Variants in ALG1 observed in about 807,000 individuals in gnomAD.
The protein encoded by ALG1 is chitobiosyldiphosphodolichol beta-mannosyltransferase.
Under a neutral mutation model 55.1 loss-of-function variants are expected in ALG1, and 58 were observed. The observed-to-expected ratio is 1.05, with a 90% CI of 0.85 to 1.31. The LOEUF is 1.31. Among genes scored for constraint, ALG1 ranks in the 50% most tolerant of loss-of-function variants. ALG1 has a pLI of 0.00. For missense variants in ALG1, 761 were observed against 598.6 expected (o/e 1.27, Z -2.83); for synonymous variants, 309 against 247.0 (o/e 1.25, Z -2.35).
chr16:5,083,898 C>G, intron 12 of ALG1, 141 bp downstream of exon 12: 3 of 1,368,418 alleles, frequency 2.2e-6, no homozygotes, highest in Non-Finnish European at 2.0e-6. Context: ...GCAGAGGTCA[C>G]AGAGGCTGGC....
chr16:5,086,675 T>A lies in ALG1; in HGVS notation c.*1794T>A, dbSNP rs1389511721. On this transcript the variant is annotated 3_prime_UTR_variant, in exon 13 of 13. Coordinates refer to ENST00000262374, the MANE Select transcript of ALG1 (RefSeq NM_019109.5). ...AGTGATGCTCCTGCCTCAGCCTCTT[T>A]TATTATTTGTTTTTAGACGAAGTTT... 1 of 151,888 alleles carries A rather than the reference T, an allele frequency of 6.6e-6. No individual in the cohort carries two copies. The highest frequency in any genetic ancestry group is 1.5e-5 in the Non-Finnish European group (1 of 67,990). 9.4% of individuals were successfully genotyped at this position (151,888 alleles called of 1,614,324 possible).
At chr16:5,073,937 A>G (rs1956864689) in intron 3 of ALG1, among the ~76,000 whole-genome samples, 1 of 151,712 alleles carries the variant, frequency 6.6e-6, no homozygotes, top group Non-Finnish European at 1.5e-5. Flanking sequence ...CTGTTCTCGA[A>G]CTCCTGACCT....
At position 5,078,517 on chromosome 16, in the gene ALG1, G is replaced by T; in HGVS notation, c.741-240G>T. On this transcript the variant is annotated intron_variant, in intron 6 of 12. Transcript: ENST00000262374. ...CTTGAGTCCAGGGGATGATAAGACA[G>T]TAAGTCCCGTGGAGAAAAGGAATGA... 1.9e-5 allele frequency: 14 copies of T among 756,632 alleles called. No individual in the cohort carries two copies. The South Asian group carries it at 2.1e-4, about 12-fold the overall frequency. The allele number at this position is 756,632 out of a possible 1,614,324, so 46.9% of individuals were successfully genotyped here.
In ALG1 at chr16:5,085,703, GT is replaced by G. The variant is rs772580812; in HGVS notation, c.*824del. ...GGAAACAGTTTCTGCTCATGACGAG[GT>G]TCCACTTCCCATCTGATCCCGGCCC... On this transcript the variant is annotated 3_prime_UTR_variant, in exon 13 of 13. Coordinates refer to ENST00000262374, the MANE Select transcript of ALG1 (RefSeq NM_019109.5). 1 of 1,611,860 alleles carries G rather than the reference GT, an allele frequency of 6.2e-7. No individual in the cohort carries two copies. The highest frequency in any genetic ancestry group is 8.5e-7 in the Non-Finnish European group (1 of 1,179,762).
At chr16:5,079,672 G>C in intron 8 of ALG1, 76 bp from the exon 9 acceptor site, 2 of 1,514,196 alleles carry the variant, frequency 1.3e-6, no homozygotes, top group Non-Finnish European at 1.8e-6. Context: ...CTGGGTGACA[G>C]AGTGAGAGTC....
At chr16:5,077,629 G>A in intron 5 of ALG1, 95 bp downstream of exon 5, 1 of 1,336,170 alleles carries the variant, frequency 7.5e-7, no homozygotes, top group Non-Finnish European at 1.1e-6. Flanking sequence ...TCCTGCTGAG[G>A]GGCAATTTGA....
chr16:5,084,919 G>A lies in ALG1; in HGVS notation c.*38G>A. ...AGGCTAAAACCCCAGGACCCCTGCT[G>A]TCCTTCCCGCAGCTTCTTCTTGGAG... On this transcript the variant is annotated 3_prime_UTR_variant, in exon 13 of 13. Coordinates refer to ENST00000262374, the MANE Select transcript of ALG1 (RefSeq NM_019109.5). The A allele has an allele frequency of 2.5e-6, 4 of 1,596,410 alleles. No homozygotes were observed. The highest frequency in any genetic ancestry group is 3.4e-6 in the Non-Finnish European group (4 of 1,179,752).
chr16:5,073,967 G>A lies in ALG1; in HGVS notation c.390+711G>A, dbSNP rs181812997. 1.3e-4 allele frequency among the ~76,000 whole-genome samples: 20 copies of A among 152,260 alleles called. No individual in the cohort carries two copies. In the East Asian group the frequency reaches 3.9e-3, roughly 29 times the overall value. ...TGACCTCAGGTAATCCGCCCCCCTC[G>A]GCGTCCCAAAGTGCTGGGATTACAG... On this transcript the variant is annotated intron_variant, in intron 3 of 12. Coordinates refer to ENST00000262374, the MANE Select transcript of ALG1 (RefSeq NM_019109.5).
intron 10 of ALG1, 51 bp downstream of exon 10, chr16:5,081,107 CGGG>C: frequency 1.5e-4 from 42 of 283,518 alleles, no homozygotes; most frequent in Non-Finnish European, 2.3e-4. Flanking sequence ...ACAGGGTGGG[CGGG>C]ATGTACTTTT....
rs1328023719 is a variant in ALG1, at chr16:5,086,641, A to G, written c.*1760A>G. On this transcript the variant is annotated 3_prime_UTR_variant, in exon 13 of 13. Coordinates refer to ENST00000262374, the MANE Select transcript of ALG1 (RefSeq NM_019109.5). ...TTTGTAGAGATGGGGTCCTGAACGC[A>G]TGGCCTCAAGTGATGCTCCTGCCTC... The G allele has an allele frequency of 3.3e-5, 5 of 151,538 alleles. No homozygotes were observed. The highest frequency in any genetic ancestry group is 1.2e-4 in the African/African-American group (5 of 41,198). The allele number at this position is 151,538 out of a possible 1,614,324, so 9.4% of individuals were successfully genotyped here.
chr16:5,083,746 G>C lies in ALG1; in HGVS notation c.1252G>C (p.Ala418Pro). 1 of 1,597,826 alleles carries C rather than the reference G, an allele frequency of 6.3e-7. No homozygotes were observed. Residue 418 changes from alanine to proline, a missense_variant, in exon 12 of 13, where the codon GCT becomes CCT. Physicochemically the swap from Ala to Pro is conservative, Grantham distance 27. Coordinates refer to ENST00000262374, the MANE Select transcript of ALG1 (RefSeq NM_019109.5). ...LVFEDSEELAAQLQMLFSNFP... is the reference protein window; with the variant it reads ...LVFEDSEELAPQLQMLFSNFP... ...CTTTGAGGACTCAGAGGAACTGGCA[G>C]CTCAGCTGCAGGTAGCCACGTCTGC...
Position 5,086,358 on chromosome 16 carries a change from C to T in ALG1, c.*1477C>T, listed in dbSNP as rs1189491709. ...TCAAAAAAAAAAAAAAAAAACCACACGCACCACACACACACCCACACACAC... is the reference window on the plus strand; with the variant it reads ...TCAAAAAAAAAAAAAAAAAACCACATGCACCACACACACACCCACACACAC... On this transcript the variant is annotated 3_prime_UTR_variant, in exon 13 of 13. Coordinates refer to ENST00000262374, the MANE Select transcript of ALG1 (RefSeq NM_019109.5). 3.9e-5 allele frequency: 6 copies of T among 152,376 alleles called. No individual in the cohort carries two copies. The highest frequency in any genetic ancestry group is 1.9e-4 in the East Asian group (1 of 5,148). 9.4% of individuals were successfully genotyped at this position (152,376 alleles called of 1,614,324 possible).
intron 3 of ALG1, among the ~76,000 whole-genome samples, chr16:5,073,969 C>A (rs1956865191): frequency 6.6e-6 from 1 of 152,242 alleles, no homozygotes; most frequent in East Asian, 1.9e-4. Flanking sequence ...CCCCCCTCGG[C>A]GTCCCAAAGT....
intron 1 of ALG1, chr16:5,072,344 T>C (rs1218286017): frequency 8.6e-7 from 1 of 1,164,588 alleles, no homozygotes; most frequent in Non-Finnish European, 1.2e-6. Flanking sequence ...GGGCTAGTGC[T>C]GGTAGCTACG....
chr16:5,077,527 C>T lies in ALG1; in HGVS notation c.622C>T (p.His208Tyr). 1 of 1,614,168 alleles carries T rather than the reference C, an allele frequency of 6.2e-7. No homozygotes were observed. Residue 208 changes from histidine to tyrosine, a missense_variant, in exon 5 of 13, where the codon CAC becomes TAC. His to Tyr is a moderately conservative substitution (Grantham distance 83). Transcript: ENST00000262374. Reference sequence around the variant, plus strand: ...GCGAGAAGACCTGGCGGATAACTGGCACATCAGGTACCATGGCCTGGGATG... The same window carrying T: ...GCGAGAAGACCTGGCGGATAACTGGTACATCAGGTACCATGGCCTGGGATG... ...AMREDLADNW[H>Y]IRAVTVYDKP...
Position 5,072,812 on chromosome 16 carries a change from C to G in ALG1, c.209-139C>G. Reference sequence around the variant, plus strand: ...ACAAGAATTGGCCGCATTCTCTGTTCTGGCTAGTGAGGAGCAGAGAGAGGT... The same window carrying G: ...ACAAGAATTGGCCGCATTCTCTGTTGTGGCTAGTGAGGAGCAGAGAGAGGT... On this transcript the variant is annotated intron_variant, in intron 1 of 12. Coordinates refer to ENST00000262374, the MANE Select transcript of ALG1 (RefSeq NM_019109.5). The G allele has an allele frequency of 3.5e-6, 3 of 862,398 alleles. No homozygotes were observed. In the Admixed American group the frequency reaches 5.3e-5, roughly 15 times the overall value. 53.4% of individuals were successfully genotyped at this position (862,398 alleles called of 1,614,324 possible). A position where few individuals can be genotyped will look rare whatever the true frequency, so the allele number is the denominator to read the frequency against.
At chr16:5,075,660 C>T in intron 4 of ALG1, 124 bp downstream of exon 4, 1 of 1,233,014 alleles carries the variant, frequency 8.1e-7, no homozygotes, top group Non-Finnish European at 1.2e-6. Context: ...TGGGGTGAGG[C>T]TGGTGAATCA....
rs371589415 is a variant in ALG1 at position 5,085,657 on chromosome 16, A to G, written c.*776A>G. On this transcript the variant is annotated 3_prime_UTR_variant, in exon 13 of 13. Transcript: ENST00000262374. ...CTACAGGGTGAGATTCAGCATTGCC[A>G]TCTCCAAGTGCTCTTCGTAGGGAAA... 84 of 1,611,320 alleles carry G rather than the reference A, an allele frequency of 5.2e-5. No homozygotes were observed. Among genetic ancestry groups the G allele is most frequent in the Non-Finnish European group, 6.4e-5 (75 of 1,179,370 alleles).
rs1406042463 is a variant in ALG1, at chr16:5,082,752, C to T, written c.1187+79C>T. 5 of 1,556,096 alleles carry T rather than the reference C, an allele frequency of 3.2e-6. No individual in the cohort carries two copies. The African/African-American group carries it at 4.0e-5, about 13-fold the overall frequency. ...GGGGGAAGCAGTGCAGAGGGAGCTG[C>T]CCACAGTGAGGCCCTGCCCCTCGGT... On this transcript the variant is annotated intron_variant, in intron 11 of 12. Transcript: ENST00000262374.
Sources: gnomAD v4.1 joint callset for allele counts (sites outside exome capture counted in the v4.1 genomes callset) on GRCh38, gnomAD v4.1.1 for gene constraint, MANE v1.5 for transcripts, NCBI Gene and HGNC (gene_info 2026-07-23, HGNC 2026-07-21) for gene names.